The following ULK4 variants were observed in gnomAD, a reference collection of about 807,000 sequenced individuals.
The protein encoded by ULK4 is inactive serine/threonine-protein kinase ULK4.
A neutral mutation model predicts 160.6 loss-of-function variants in ULK4; 133 were observed. That is an observed-to-expected ratio of 0.83 (90% CI 0.72 to 0.96). The LOEUF is 0.96. ULK4 is among the 40% of genes least tolerant of loss of function. The pLI is 0.00. For synonymous variants in ULK4, 534 were observed against 539.8 expected (o/e 0.99, Z 0.15); for missense variants, 1,580 against 1,499.5 (o/e 1.05, Z -0.89).
intron 35 of ULK4, among the ~76,000 whole-genome samples, chr3:41,351,284 G>A (rs752392897): frequency 1.2e-4 from 18 of 152,150 alleles, no homozygotes; most frequent in African/African-American, 3.9e-4. Flanking sequence ...CTGTGGGATT[G>A]GTAGTGGATG....
intron 30 of ULK4, among the ~76,000 whole-genome samples, chr3:41,648,240 T>A (rs1441565683): frequency 1.3e-5 from 2 of 152,204 alleles, no homozygotes; most frequent in Non-Finnish European, 1.5e-5. Flanking sequence ...CCTAGTGAGA[T>A]GAACCCGGTA....
rs2036840544 is a variant in ULK4, at chr3:41,705,378, T to G, written c.2635-73A>C. 3 of 1,248,164 alleles carry G rather than the reference T, an allele frequency of 2.4e-6. No homozygotes were observed. The East Asian group carries it at 7.6e-5, about 32-fold the overall frequency. 77.3% of individuals were successfully genotyped at this position (1,248,164 alleles called of 1,614,324 possible). A position where few individuals can be genotyped will look rare whatever the true frequency, so the allele number is the denominator to read the frequency against. The stretch of plus-strand genomic sequence containing the variant: ...AAATAAAATATAGGTAGTTTACATT[T>G]TGCCCAAAACTGTACCTATTGTTTT... On this transcript the variant is annotated intron_variant, in intron 25 of 36. Coordinates refer to ENST00000301831, the MANE Select transcript of ULK4 (RefSeq NM_017886.4).
At chr3:41,884,068 T>C in intron 16 of ULK4, 116 bp from the exon 17 acceptor site, 1 of 762,622 alleles carries the variant, frequency 1.3e-6, no homozygotes. Context: ...GAAATAAAAA[T>C]TGAATGTGAC....
At chr3:41,881,774 C>G (rs1281566449) in intron 17 of ULK4, among the ~76,000 whole-genome samples, 1 of 152,064 alleles carries the variant, frequency 6.6e-6, no homozygotes, top group Non-Finnish European at 1.5e-5. Flanking sequence ...ATGAAGAGAA[C>G]AGTACTGGAA....
At chr3:41,249,655 C>A in intron 35 of ULK4, 81 bp from the exon 36 acceptor site, 1 of 1,436,896 alleles carries the variant, frequency 7.0e-7, no homozygotes, top group Admixed American at 1.9e-5. Context: ...CCCTGAGTAT[C>A]AGGCCTGCAT....
At chr3:41,467,109 G>T (rs536110553) in intron 32 of ULK4, among the ~76,000 whole-genome samples, 1 of 152,196 alleles carries the variant, frequency 6.6e-6, no homozygotes, top group African/African-American at 2.4e-5. Flanking sequence ...AAAACAGTTG[G>T]CATTTTTAAA....
chr3:41,446,812 G>C (rs1264918354), intron 34 of ULK4, among the ~76,000 whole-genome samples: 1 of 151,346 alleles, frequency 6.6e-6, no homozygotes, highest in African/African-American at 2.4e-5. Context: ...CACCAACATG[G>C]CACATGTATA....
intron 22 of ULK4, among the ~76,000 whole-genome samples, chr3:41,735,841 C>A (rs1351219276): frequency 9.9e-6 from 1 of 100,816 alleles, no homozygotes; most frequent in Admixed American, 1.3e-4. Context: ...TCCCTCCCCC[C>A]TCCCCCCACC....
At chr3:41,388,270 A>G (rs2081870844) in intron 35 of ULK4, among the ~76,000 whole-genome samples, 1 of 152,022 alleles carries the variant, frequency 6.6e-6, no homozygotes, top group Admixed American at 6.6e-5. Context: ...GATTCTGGAT[A>G]TTAGCCCTTT....
chr3:41,720,629 T>C (rs1056289004), intron 22 of ULK4, among the ~76,000 whole-genome samples: 4 of 151,668 alleles, frequency 2.6e-5, no homozygotes, highest in Middle Eastern at 3.2e-3. Context: ...TAGAAGAAAA[T>C]ATAAATGGTT....
At chr3:41,613,964 T>C (rs2032832314) in intron 31 of ULK4, among the ~76,000 whole-genome samples, 1 of 152,230 alleles carries the variant, frequency 6.6e-6, no homozygotes, top group Admixed American at 6.5e-5. Flanking sequence ...ATGACAGCTA[T>C]ACCACAATGA....
chr3:41,656,114 A>G (rs1049440294), intron 30 of ULK4, among the ~76,000 whole-genome samples: 1 of 152,132 alleles, frequency 6.6e-6, no homozygotes, highest in African/African-American at 2.4e-5. Flanking sequence ...GTTTGAATCA[A>G]TATCACTAGA....
intron 27 of ULK4, among the ~76,000 whole-genome samples, chr3:41,683,303 G>A (rs752126255): frequency 1.3e-5 from 2 of 152,016 alleles, no homozygotes; most frequent in Non-Finnish European, 2.9e-5. Context: ...GCCTCGTCTG[G>A]GAGAACTCTG....
chr3:41,927,566 G>A (rs1193378128), intron 5 of ULK4, among the ~76,000 whole-genome samples: 2 of 151,298 alleles, frequency 1.3e-5, no homozygotes, highest in Non-Finnish European at 2.9e-5. Context: ...ATTGAATGAA[G>A]AGTTAAGACC....
intron 29 of ULK4, among the ~76,000 whole-genome samples, chr3:41,680,449 G>A (rs554813918): frequency 7.2e-4 from 110 of 152,148 alleles, no homozygotes; most frequent in African/African-American, 2.5e-3. Context: ...CCAAAGGGTC[G>A]ACACAGAACA....
chr3:41,872,661 T>C (rs1415760533), intron 17 of ULK4, among the ~76,000 whole-genome samples: 7 of 151,800 alleles, frequency 4.6e-5, no homozygotes, highest in Non-Finnish European at 1.0e-4. Flanking sequence ...ATTATTATTA[T>C]TGGCAAGAGG....
At chr3:41,556,706 C>A (rs1196331391) in intron 32 of ULK4, among the ~76,000 whole-genome samples, 1 of 151,938 alleles carries the variant, frequency 6.6e-6, no homozygotes, top group Non-Finnish European at 1.5e-5. Flanking sequence ...CCAGGATGGT[C>A]TCCATCTGCT....
intron 21 of ULK4, among the ~76,000 whole-genome samples, chr3:41,769,530 G>C (rs1478962200): frequency 6.6e-6 from 1 of 152,172 alleles, no homozygotes; most frequent in Non-Finnish European, 1.5e-5. Context: ...CAGAAAAAGA[G>C]CAGAAGCCAT....
intron 31 of ULK4, among the ~76,000 whole-genome samples, chr3:41,577,328 A>T (rs1417138800): frequency 6.6e-6 from 1 of 152,184 alleles, no homozygotes; most frequent in Non-Finnish European, 1.5e-5. Context: ...TCAATCCTTT[A>T]ATTTTTTAAT....
Sources: allele counts gnomAD v4.1 joint callset (sites outside exome capture counted in the v4.1 genomes callset), GRCh38; gene constraint gnomAD v4.1.1; transcripts MANE v1.5; gene names NCBI Gene and HGNC (gene_info 2026-07-23, HGNC 2026-07-21).